The following SLF2 variants were observed in gnomAD, a reference collection of about 807,000 sequenced individuals.
SLF2 encodes the protein SMC5/6 complex localization factor 2, also known as SMC5-SMC6 complex localization factor protein 2.
SLF2 carries 68 observed loss-of-function variants against 124.3 expected under a neutral mutation model. That is an observed-to-expected ratio of 0.55 (90% confidence interval 0.45 to 0.67). SLF2 has a LOEUF of 0.67. Among genes scored for constraint, SLF2 ranks in the 30% least tolerant of loss-of-function variants. The pLI is 0.00. For synonymous variants in SLF2, 480 were observed against 478.8 expected (o/e 1.00, Z -0.03); for missense variants, 1,246 against 1,373.7 (o/e 0.91, Z 1.47).
chr10:100,913,672 A>G (rs991904161), intron 1 of SLF2: 3 of 1,011,928 alleles, frequency 3.0e-6, no homozygotes, highest in African/African-American at 1.7e-5. Context: ...TGATGAGGGA[A>G]TCCCTTCCAC....
At chr10:100,934,440 C>G (rs1009826076) in intron 9 of SLF2, among the ~76,000 whole-genome samples, 2 of 152,138 alleles carry the variant, frequency 1.3e-5, no homozygotes, top group African/African-American at 4.8e-5. Context: ...CTATGTGTAA[C>G]ATGTCTGTGA....
At chr10:100,913,364 G>C (rs1849358008) in intron 1 of SLF2, 114 bp downstream of exon 1, 1 of 1,371,104 alleles carries the variant, frequency 7.3e-7, no homozygotes, top group South Asian at 1.7e-5. Context: ...TCAGGCGTTG[G>C]CATTTCGGGG....
chr10:100,918,281 G>C (rs1849459218), intron 3 of SLF2, 103 bp from the exon 4 acceptor site: 9 of 651,938 alleles, frequency 1.4e-5, no homozygotes, highest in Middle Eastern at 2.6e-4. Context: ...ATGGGTGCTT[G>C]CCTTATTCAA....
intron 10 of SLF2, 73 bp downstream of exon 10, chr10:100,937,550 C>G: frequency 1.1e-6 from 1 of 912,304 alleles, no homozygotes. Context: ...TTTCACATTG[C>G]TAAATGTTAG....
chr10:100,923,027 C>T (rs761807137), intron 4 of SLF2, among the ~76,000 whole-genome samples: 3 of 152,010 alleles, frequency 2.0e-5, no homozygotes, highest in East Asian at 1.9e-4. Context: ...CTGCCCACTC[C>T]GGCCTCCCAA....
chr10:100,937,167 C>T (rs372017729), intron 9 of SLF2, among the ~76,000 whole-genome samples: 6 of 152,282 alleles, frequency 3.9e-5, no homozygotes, highest in East Asian at 1.9e-4. Flanking sequence ...TGCGCCACCA[C>T]ACCTGGCTAA....
At chr10:100,940,936 A>G (rs1351024100) in intron 11 of SLF2, among the ~76,000 whole-genome samples, 3 of 150,946 alleles carry the variant, frequency 2.0e-5, no homozygotes, top group Non-Finnish European at 4.4e-5. Flanking sequence ...CCTGAGTTCA[A>G]GTGGCCCTCC....
chr10:100,943,926 C>A, intron 11 of SLF2, 100 bp from the exon 12 acceptor site: 2 of 681,422 alleles, frequency 2.9e-6, no homozygotes, highest in Non-Finnish European at 4.8e-6. Flanking sequence ...GTAAATTATA[C>A]CTCGATAAAA....
Position 100,950,735 on chromosome 10 carries a change from T to C in SLF2, c.3312T>C (p.Ser1104=). 6.2e-7 allele frequency: 1 copy of C among 1,613,908 alleles called. No individual in the cohort carries two copies. The highest frequency in any genetic ancestry group is 8.5e-7 in the Non-Finnish European group (1 of 1,179,820). The change falls in exon 17 of 20, where the codon TCT becomes TCC. Residue 1104 remains serine, a synonymous_variant. Coordinates refer to ENST00000238961, the MANE Select transcript of SLF2 (RefSeq NM_018121.4). ...HLVGEVSCSH[S]FSSGQRKHFV... ...TCGGTGAAGTTAGTTGTTCTCATTC[T>C]TTTTCTTCTGGACAACGGGTAGGTA...
chr10:100,915,544 A>C (rs534902564), intron 1 of SLF2, among the ~76,000 whole-genome samples: 4 of 152,116 alleles, frequency 2.6e-5, no homozygotes, highest in African/African-American at 9.7e-5. Context: ...GCATACATCT[A>C]TTGAGTTTTT....
chr10:100,914,476 T>A (rs757543605), intron 1 of SLF2, among the ~76,000 whole-genome samples: 12 of 152,170 alleles, frequency 7.9e-5, no homozygotes, highest in Middle Eastern at 3.2e-3. Context: ...CAAAAAGGAG[T>A]CTGAGGTCCA....
At chr10:100,940,375 T>C (rs188535943) in intron 11 of SLF2, among the ~76,000 whole-genome samples, 1 of 152,310 alleles carries the variant, frequency 6.6e-6, no homozygotes, top group East Asian at 1.9e-4. Context: ...TGTGTGTTTG[T>C]TTGAGACAGG....
At chr10:100,922,798 C>T (rs1011884107) in intron 4 of SLF2, among the ~76,000 whole-genome samples, 13 of 144,336 alleles carry the variant, frequency 9.0e-5, no homozygotes, top group South Asian at 2.2e-4. Flanking sequence ...TTTTTTGAAA[C>T]GGAGTCTTGC....
At chr10:100,944,954 C>G (rs554175605) in intron 12 of SLF2, among the ~76,000 whole-genome samples, 2 of 151,424 alleles carry the variant, frequency 1.3e-5, no homozygotes. Flanking sequence ...CACTTGAACC[C>G]GGGAGGTGGA....
rs148485907 is a variant in SLF2, at chr10:100,961,898, G to A, written c.3508G>A (p.Val1170Ile). Residue 1170 changes from valine to isoleucine, a missense_variant, in exon 20 of 20, where the codon GTA becomes ATA. By Grantham distance (29) the Val-to-Ile change is conservative. This residue lies in a region of SLF2 where 535 missense variants were observed against 632.8 expected (regional missense o/e 0.85). Transcript: ENST00000238961. ...TTAGGGGCAGCTTCATGACTTCTGG[G>A]TACCAGATTCTTAATAGGAGTTGCA... ...PTQGQLHDFWVPDS is the reference protein window; with the variant it reads ...PTQGQLHDFWIPDS 8.1e-6 allele frequency: 13 copies of A among 1,606,798 alleles called. No homozygotes were observed. The highest frequency in any genetic ancestry group is 6.7e-5 in the African/African-American group (5 of 74,760).
Position 100,924,570 on chromosome 10 carries a change from A to G in SLF2, c.1569A>G (p.Glu523=). The G allele has an allele frequency of 6.2e-7, 1 of 1,614,136 alleles. No individual in the cohort carries two copies. The highest frequency in any genetic ancestry group is 8.5e-7 in the Non-Finnish European group (1 of 1,180,024). Residue 523 remains glutamate (E), a synonymous_variant, in exon 5 of 20, where the codon GAA becomes GAG. Transcript: ENST00000238961. Reference sequence around the variant, plus strand: ...CTACAGAATCCACCAAACACAAGGAACACAAAGCAAAGACTAATAAGGCCG... The same window carrying G: ...CTACAGAATCCACCAAACACAAGGAGCACAAAGCAAAGACTAATAAGGCCG... ...GHSTESTKHK[E]HKAKTNKADS...
chr10:100,931,070 C>T lies in SLF2; in HGVS notation c.2428C>T (p.Leu810=), dbSNP rs1485473868. The T allele has an allele frequency of 6.2e-7, 1 of 1,611,788 alleles. No homozygotes were observed. Among genetic ancestry groups the T allele is most frequent in the Non-Finnish European group, 8.5e-7 (1 of 1,178,526 alleles). ...GTGTCCTGTCCCTGTGTTAAAGTGG[C>T]TGTTTCGGGTAAGAGGAATGTTTAG... ...VQCPVPVLKW[L]FRMMSVHTDC... is the part of the protein sequence containing the mutation. Residue 810 remains leucine (L), a synonymous_variant, in exon 9 of 20, where the codon CTG becomes TTG. Transcript: ENST00000238961.
Position 100,938,812 on chromosome 10 carries a change from T to C in SLF2, c.2654+76T>C. The C allele has an allele frequency of 3.1e-6, 4 of 1,284,188 alleles. No homozygotes were observed. In the South Asian group the frequency reaches 7.5e-5, roughly 24 times the overall value. The allele number at this position is 1,284,188 out of a possible 1,614,324, so 79.5% of individuals were successfully genotyped here. Reference sequence around the variant, plus strand: ...ATATATAATTATAGCTAAAGTTTAATATTTATTTCTGATTTTTAAAAAGAT... The same window carrying C: ...ATATATAATTATAGCTAAAGTTTAACATTTATTTCTGATTTTTAAAAAGAT... On this transcript the variant is annotated intron_variant, in intron 11 of 19. Coordinates refer to ENST00000238961, the MANE Select transcript of SLF2 (RefSeq NM_018121.4).
At chr10:100,961,770 C>T in intron 19 of SLF2, 107 bp from the exon 20 acceptor site, 4 of 888,438 alleles carry the variant, frequency 4.5e-6, no homozygotes, top group Non-Finnish European at 5.1e-6. Context: ...GATTTTATTA[C>T]TTGTCTTATC....
Sources: allele counts gnomAD v4.1 joint callset (sites outside exome capture counted in the v4.1 genomes callset), GRCh38; gene constraint gnomAD v4.1.1; regional missense constraint gnomAD v4.1.1; transcripts MANE v1.5; gene names NCBI Gene and HGNC (gene_info 2026-07-23, HGNC 2026-07-21).